KCNIP4: variants seen among roughly 807,000 people sequenced by gnomAD.
KCNIP4 encodes Kv channel-interacting protein 4.
A neutral mutation model predicts 34.0 loss-of-function variants in KCNIP4; 12 were observed. That is an observed-to-expected ratio of 0.35 (90% CI 0.23 to 0.57). KCNIP4 has a LOEUF of 0.57. Among genes scored for constraint, KCNIP4 ranks in the 20% least tolerant of loss-of-function variants. The pLI is 0.83. For synonymous variants in KCNIP4, 124 were observed against 102.2 expected (o/e 1.21, Z -1.29); for missense variants, 238 against 311.7 (o/e 0.76, Z 1.78).
intron 4 of KCNIP4, among the ~76,000 whole-genome samples, chr4:20,753,695 A>T (rs1754027721): frequency 6.6e-6 from 1 of 152,212 alleles, no homozygotes; most frequent in Admixed American, 6.5e-5. Context: ...ATATGTGTGA[A>T]TAGTAGCTTC....
At chr4:20,979,138 A>G (rs1735781885) in intron 1 of KCNIP4, among the ~76,000 whole-genome samples, 1 of 152,166 alleles carries the variant, frequency 6.6e-6, no homozygotes, top group Non-Finnish European at 1.5e-5. Flanking sequence ...ATCTCTGCGT[A>G]CTCCACATTT....
At chr4:21,417,346 A>T (rs950148393) in intron 1 of KCNIP4, among the ~76,000 whole-genome samples, 2 of 151,908 alleles carry the variant, frequency 1.3e-5, no homozygotes, top group African/African-American at 4.8e-5. Context: ...CCAGGGATGC[A>T]CCAGATAAGG....
At chr4:21,537,614 T>C (rs568661530) in intron 1 of KCNIP4, among the ~76,000 whole-genome samples, 62 of 152,148 alleles carry the variant, frequency 4.1e-4, no homozygotes, top group Non-Finnish European at 8.4e-4. Context: ...TATAACCTTA[T>C]TTGGAAATAG....
chr4:21,558,282 A>G (rs1269096387), intron 1 of KCNIP4, among the ~76,000 whole-genome samples: 5 of 152,124 alleles, frequency 3.3e-5, no homozygotes, highest in African/African-American at 1.2e-4. Context: ...ACTTGAGGCC[A>G]GGAGTTCGAG....
intron 1 of KCNIP4, among the ~76,000 whole-genome samples, chr4:21,339,164 T>C (rs1716480845): frequency 6.6e-6 from 1 of 152,220 alleles, no homozygotes; most frequent in Non-Finnish European, 1.5e-5. Context: ...TAGGGTCACA[T>C]GCAGGTAAGT....
chr4:21,415,537 C>CA (rs77356407), intron 1 of KCNIP4, among the ~76,000 whole-genome samples: 1,624 of 128,358 alleles, frequency 0.013, 27 homozygotes, highest in African/African-American at 0.04. Flanking sequence ...ACTAAAATTA[C>CA]AAAAAAAAAA....
intron 1 of KCNIP4, among the ~76,000 whole-genome samples, chr4:21,539,347 G>T (rs1374737815): frequency 6.6e-6 from 1 of 151,974 alleles, no homozygotes; most frequent in African/African-American, 2.4e-5. Context: ...TAAACTCCAG[G>T]ACCTCCTTTT....
chr4:21,281,426 T>G (rs188573953), intron 1 of KCNIP4, among the ~76,000 whole-genome samples: 1 of 152,122 alleles, frequency 6.6e-6, no homozygotes, highest in Admixed American at 6.5e-5. Flanking sequence ...AACACTGCAC[T>G]GGAATAGACA....
chr4:21,778,363 T>C (rs1719336083), intron 1 of KCNIP4, among the ~76,000 whole-genome samples: 1 of 150,868 alleles, frequency 6.6e-6, no homozygotes, highest in Non-Finnish European at 1.5e-5. Flanking sequence ...GCCTCCTGAG[T>C]AGCTGGGACC....
chr4:20,762,528 C>T (rs1015326291), intron 3 of KCNIP4, among the ~76,000 whole-genome samples: 6 of 152,176 alleles, frequency 3.9e-5, no homozygotes, highest in Non-Finnish European at 7.3e-5. Context: ...AGATGGTATA[C>T]ATTCTGTAAC....
intron 1 of KCNIP4, among the ~76,000 whole-genome samples, chr4:21,469,304 C>T (rs138077271): frequency 2.8e-4 from 43 of 152,186 alleles, no homozygotes; most frequent in African/African-American, 9.9e-4. Flanking sequence ...CCTTGGCCTC[C>T]CAACATGTTA....
At chr4:21,680,856 T>C (rs191328122) in intron 1 of KCNIP4, among the ~76,000 whole-genome samples, 3 of 152,286 alleles carry the variant, frequency 2.0e-5, no homozygotes, top group East Asian at 3.9e-4. Context: ...GTTTGGTTGT[T>C]CCATTATTGA....
intron 1 of KCNIP4, among the ~76,000 whole-genome samples, chr4:21,028,486 T>C (rs1333217271): frequency 6.6e-6 from 1 of 152,210 alleles, no homozygotes; most frequent in Non-Finnish European, 1.5e-5. Context: ...AGAGTCTCCT[T>C]GAATTAACAT....
chr4:21,685,384 A>T (rs1750726341), intron 1 of KCNIP4, among the ~76,000 whole-genome samples: 1 of 152,134 alleles, frequency 6.6e-6, no homozygotes, highest in East Asian at 1.9e-4. Flanking sequence ...AACTGATATC[A>T]TGGGGGGAAT....
chr4:21,185,804 T>A (rs1336876413), intron 1 of KCNIP4, among the ~76,000 whole-genome samples: 1 of 152,184 alleles, frequency 6.6e-6, no homozygotes, highest in Non-Finnish European at 1.5e-5. Context: ...GGCAAATGAG[T>A]TCACATGAGG....
chr4:21,215,239 G>A (rs897645832), intron 1 of KCNIP4, among the ~76,000 whole-genome samples: 2 of 152,006 alleles, frequency 1.3e-5, no homozygotes, highest in Non-Finnish European at 2.9e-5. Context: ...GGCTTAGAAC[G>A]TATCTTCATT....
chr4:21,613,883 G>C (rs75816545), intron 1 of KCNIP4, among the ~76,000 whole-genome samples: 9,042 of 152,004 alleles, frequency 0.059, 355 homozygotes, highest in Non-Finnish European at 0.09. Context: ...AATGGTCCAT[G>C]CCTGTAAGCC....
At chr4:21,612,621 A>G (rs1425514273) in intron 1 of KCNIP4, among the ~76,000 whole-genome samples, 1 of 152,262 alleles carries the variant, frequency 6.6e-6, no homozygotes, top group Non-Finnish European at 1.5e-5. Context: ...GGCATCTAAT[A>G]TGATACGGCT....
intron 1 of KCNIP4, among the ~76,000 whole-genome samples, chr4:21,513,604 T>C (rs1306533098): frequency 6.6e-6 from 1 of 152,238 alleles, no homozygotes; most frequent in Admixed American, 6.5e-5. Context: ...TATTCACCAA[T>C]AGTATTTTCC....
Sources: gnomAD v4.1 joint callset for allele counts (sites outside exome capture counted in the v4.1 genomes callset) on GRCh38, gnomAD v4.1.1 for gene constraint, MANE v1.5 for transcripts, NCBI Gene and HGNC (gene_info 2026-07-23, HGNC 2026-07-21) for gene names.